Variants in HS3ST4 observed in about 807,000 individuals in gnomAD.
HS3ST4 encodes the protein heparan sulfate-glucosamine 3-sulfotransferase 4.
Under a neutral mutation model 29.2 loss-of-function variants are expected in HS3ST4, and 17 were observed. The observed-to-expected ratio is 0.58, with a 90% CI of 0.40 to 0.87. The LOEUF is 0.87. Among genes scored for constraint, HS3ST4 ranks in the 40% least tolerant of loss-of-function variants. The probability of loss-of-function intolerance (pLI) is 0.00; values close to 1 mark genes in which losing one functional copy is unlikely to be tolerated. For missense variants in HS3ST4, 627 were observed against 634.5 expected (o/e 0.99, Z 0.13); for synonymous variants, 314 against 285.7 (o/e 1.10, Z -1.00).
At chr16:25,820,241 A>G (rs887220735) in intron 1 of HS3ST4, among the ~76,000 whole-genome samples, 7 of 151,952 alleles carry the variant, frequency 4.6e-5, no homozygotes, top group African/African-American at 1.7e-4. Context: ...GCTGTCTTTC[A>G]GTGACTGACT....
At chr16:25,773,910 C>T (rs1966845143) in intron 1 of HS3ST4, among the ~76,000 whole-genome samples, 1 of 151,982 alleles carries the variant, frequency 6.6e-6, no homozygotes, top group Non-Finnish European at 1.5e-5. Flanking sequence ...TTTAAACCAG[C>T]CCCCCTAAAC....
chr16:25,869,776 A>G (rs959997079), intron 1 of HS3ST4, among the ~76,000 whole-genome samples: 1 of 152,210 alleles, frequency 6.6e-6, no homozygotes, highest in Non-Finnish European at 1.5e-5. Context: ...TATCCCTGGG[A>G]GTAGTTGGCA....
At chr16:25,753,126 A>G (rs1966732621) in intron 1 of HS3ST4, among the ~76,000 whole-genome samples, 2 of 152,332 alleles carry the variant, frequency 1.3e-5, no homozygotes, top group African/African-American at 2.4e-5. Flanking sequence ...CAGTCTATAA[A>G]TAAGAGCTGT....
intron 1 of HS3ST4, among the ~76,000 whole-genome samples, chr16:25,851,231 C>T (rs1263960505): frequency 2.0e-5 from 3 of 152,234 alleles, no homozygotes; most frequent in East Asian, 1.9e-4. Flanking sequence ...GGATGCCTGG[C>T]GGGTTGGTCA....
At chr16:25,920,750 C>T (rs991737338) in intron 1 of HS3ST4, among the ~76,000 whole-genome samples, 7 of 151,710 alleles carry the variant, frequency 4.6e-5, no homozygotes, top group African/African-American at 1.5e-4. Flanking sequence ...TACAGGCATG[C>T]ACCAGCATGC....
At chr16:25,896,323 A>C (rs1053592442) in intron 1 of HS3ST4, among the ~76,000 whole-genome samples, 1 of 152,192 alleles carries the variant, frequency 6.6e-6, no homozygotes, top group Admixed American at 6.5e-5. Context: ...CTCAAATATT[A>C]ACCTAGAGGG....
chr16:25,714,594 C>T (rs1966439492), intron 1 of HS3ST4, among the ~76,000 whole-genome samples: 1 of 152,176 alleles, frequency 6.6e-6, no homozygotes, highest in Non-Finnish European at 1.5e-5. Context: ...GTACTTAAGC[C>T]ACCCTGGTTA....
chr16:25,980,403 C>T (rs1968992460), intron 1 of HS3ST4, among the ~76,000 whole-genome samples: 1 of 152,100 alleles, frequency 6.6e-6, no homozygotes, highest in African/African-American at 2.4e-5. Context: ...ACTCTTTTTC[C>T]CTCTAAGGCA....
At chr16:25,828,301 C>CTTTCTTTCT (rs1555467593) in intron 1 of HS3ST4, among the ~76,000 whole-genome samples, 2 of 32,882 alleles carry the variant, frequency 6.1e-5, no homozygotes, top group Non-Finnish European at 1.1e-4. Context: ...TCTTTCTTTC[C>CTTTCTTTCT]CTCTCTCTCT....
chr16:25,972,394 A>G (rs1317702659), intron 1 of HS3ST4, among the ~76,000 whole-genome samples: 1 of 152,200 alleles, frequency 6.6e-6, no homozygotes, highest in Non-Finnish European at 1.5e-5. Flanking sequence ...GCTGCATTCA[A>G]GGTGCTAACC....
intron 1 of HS3ST4, among the ~76,000 whole-genome samples, chr16:26,114,048 G>A (rs1205102504): frequency 6.6e-6 from 1 of 152,164 alleles, no homozygotes; most frequent in Non-Finnish European, 1.5e-5. Flanking sequence ...GGTGGGGAAG[G>A]GAAGGCCATT....
At position 25,959,096 on chromosome 16, in the gene HS3ST4, G is replaced by T. The variant is rs570696496; in HGVS notation, c.735-176516G>T. On this transcript the variant is annotated intron_variant, in intron 1 of 1. Transcript: ENST00000331351. ...AAATTCATCTCCTCAAGGAATTTAG[G>T]GTTAGGATTTTTAAGGGTTTTGGAG... Among the ~76,000 whole-genome samples the T allele has an allele frequency of 2.0e-5, 3 of 152,268 alleles. No individual in the cohort carries two copies. The East Asian group carries it at 5.8e-4, about 29-fold the overall frequency.
chr16:26,031,055 C>A (rs1969526079), intron 1 of HS3ST4, among the ~76,000 whole-genome samples: 1 of 152,120 alleles, frequency 6.6e-6, no homozygotes, highest in Non-Finnish European at 1.5e-5. Flanking sequence ...ATGTAAAGTA[C>A]CTAGTGTGGC....
chr16:25,895,740 A>AAGAGAG (rs71738802), intron 1 of HS3ST4, among the ~76,000 whole-genome samples: 1 of 149,148 alleles, frequency 6.7e-6, no homozygotes, highest in Non-Finnish European at 1.5e-5. Context: ...GAAAGAGGGA[A>AAGAGAG]AGAGAGAGAG....
At chr16:25,766,964 G>A (rs1007362974) in intron 1 of HS3ST4, among the ~76,000 whole-genome samples, 1 of 151,992 alleles carries the variant, frequency 6.6e-6, no homozygotes, top group African/African-American at 2.4e-5. Context: ...GCATTCTTTT[G>A]ACTTCCCCAT....
At chr16:25,717,029 G>A (rs1385123515) in intron 1 of HS3ST4, among the ~76,000 whole-genome samples, 1 of 151,990 alleles carries the variant, frequency 6.6e-6, no homozygotes, top group African/African-American at 2.4e-5. Flanking sequence ...ACTCCAGCCT[G>A]GGCAACAAGA....
chr16:25,769,835 T>TA (rs1371401860), intron 1 of HS3ST4, among the ~76,000 whole-genome samples: 1 of 150,982 alleles, frequency 6.6e-6, no homozygotes, highest in African/African-American at 2.4e-5. Context: ...ACCTGATATT[T>TA]ACAAGGTTGT....
At chr16:26,041,867 C>T (rs1023742645) in intron 1 of HS3ST4, among the ~76,000 whole-genome samples, 12 of 152,194 alleles carry the variant, frequency 7.9e-5, no homozygotes, top group African/African-American at 2.9e-4. Context: ...CATTAAGCAT[C>T]ATGGTCATTC....
At chr16:25,907,137 A>T (rs919279082) in intron 1 of HS3ST4, among the ~76,000 whole-genome samples, 1 of 152,226 alleles carries the variant, frequency 6.6e-6, no homozygotes, top group Non-Finnish European at 1.5e-5. Flanking sequence ...TTGTGGTTAC[A>T]GTGAGCTATG....
Sources: gnomAD v4.1 joint callset for allele counts (sites outside exome capture counted in the v4.1 genomes callset) on GRCh38, gnomAD v4.1.1 for gene constraint, MANE v1.5 for transcripts, NCBI Gene and HGNC (gene_info 2026-07-23, HGNC 2026-07-21) for gene names.